The following FCGR1A variants were observed in gnomAD, a reference collection of about 807,000 sequenced individuals.
The protein encoded by FCGR1A is high affinity immunoglobulin gamma Fc receptor I.
FCGR1A carries 13 observed loss-of-function variants against 35.0 expected under a neutral mutation model. The ratio of observed to expected loss-of-function variants is 0.37; its 90% confidence interval spans 0.24 to 0.59. The LOEUF is 0.59. FCGR1A is among the 20% of genes least tolerant of loss of function. FCGR1A has a pLI of 0.71. For synonymous variants in FCGR1A, 91 were observed against 164.7 expected, an observed-to-expected ratio of 0.55 and a Z score of 3.43; for missense variants, 227 against 430.0, an observed-to-expected ratio of 0.53 and a Z score of 4.17.
rs142568276 is a variant in FCGR1A at position 149,789,532 on chromosome 1, G to T, written c.560-522G>T. Among the ~76,000 whole-genome samples the T allele has an allele frequency of 5.7e-3, 866 of 152,308 alleles. 10 individuals carry two copies. Among genetic ancestry groups the T allele is most frequent in the African/African-American group, 0.02 (817 of 41,552 alleles). ...CAGATGACACGGTCATTCAGGGAAG[G>T]ATGGACCTTGTAGAGCAGGGGTTCC... On this transcript the variant is annotated intron_variant, in intron 4 of 5. Coordinates refer to ENST00000369168, the MANE Select transcript of FCGR1A (RefSeq NM_000566.4).
chr1:149,791,048 C>T (rs1251350307), intron 5 of FCGR1A, among the ~76,000 whole-genome samples, 189 bp from the exon 6 acceptor site: 1 of 150,566 alleles, frequency 6.6e-6, no homozygotes, highest in Non-Finnish European at 1.5e-5. Flanking sequence ...TCCAAGGAGC[C>T]TGTCCCTGTC....
chr1:149,790,724 C>G (rs1159163953), intron 5 of FCGR1A, among the ~76,000 whole-genome samples: 1 of 149,214 alleles, frequency 6.7e-6, no homozygotes, highest in Non-Finnish European at 1.5e-5. Flanking sequence ...ATCTCACCAA[C>G]AATTTATCAA....
chr1:149,799,302 G>A, the FCGR1A span, among the ~76,000 whole-genome samples: 3 of 151,876 alleles, frequency 2.0e-5, no homozygotes, highest in Non-Finnish European at 2.9e-5. Context: ...TGAGTTGGAT[G>A]TAAATTTGAC....
downstream of FCGR1A, chr1:149,792,555 G>C (rs1391242068): frequency 5.9e-6 from 7 of 1,180,868 alleles, no homozygotes; most frequent in East Asian, 3.1e-4. Context: ...GGTTTGATCC[G>C]TAAATGATGG....
At chr1:149,800,433 T>C in the FCGR1A span, among the ~76,000 whole-genome samples, 1 of 148,254 alleles carries the variant, frequency 6.7e-6, no homozygotes, top group Admixed American at 6.8e-5. Context: ...CCCAACTCTC[T>C]AATCCTCCCC....
the FCGR1A span, among the ~76,000 whole-genome samples, chr1:149,796,962 G>A: frequency 1.3e-5 from 2 of 152,172 alleles, no homozygotes; most frequent in Admixed American, 1.3e-4. Flanking sequence ...ACCCAGGCTG[G>A]AGTGCAGTGG....
intron 4 of FCGR1A, among the ~76,000 whole-genome samples, chr1:149,789,296 G>A (rs1344615904): frequency 1.3e-5 from 2 of 152,114 alleles, no homozygotes; most frequent in African/African-American, 2.4e-5. Context: ...GGGAGGCTGA[G>A]GCAGGAGAAT....
Position 149,788,163 on chromosome 1 carries a change from C to T in FCGR1A, c.308-203C>T, listed in dbSNP as rs1212847352. 2.6e-5 allele frequency: 21 copies of T among 805,878 alleles called. No individual in the cohort carries two copies. In the Admixed American group the frequency reaches 5.8e-4, roughly 22 times the overall value. The allele number at this position is 805,878 out of a possible 1,614,324, so 49.9% of individuals were successfully genotyped here. A position where few individuals can be genotyped will look rare whatever the true frequency, so the allele number is the denominator to read the frequency against. On this transcript the variant is annotated intron_variant, in intron 3 of 5. Coordinates refer to ENST00000369168, the MANE Select transcript of FCGR1A (RefSeq NM_000566.4). ...TCTGGAAAGGGAAGATAAGAAAGGG[C>T]TGTGTACGCAGTTGCCAGTAAAGAT...
At chr1:149,789,127 T>C (rs1399307555) in intron 4 of FCGR1A, among the ~76,000 whole-genome samples, 2 of 151,506 alleles carry the variant, frequency 1.3e-5, no homozygotes, top group East Asian at 3.9e-4. Flanking sequence ...TTTCACGGCC[T>C]TTCCTCTTAA....
At chr1:149,796,791 G>A in the FCGR1A span, among the ~76,000 whole-genome samples, 1 of 152,080 alleles carries the variant, frequency 6.6e-6, no homozygotes, top group Non-Finnish European at 1.5e-5. Context: ...ATTTCATTTA[G>A]CCTTCATAAT....
intron 4 of FCGR1A, among the ~76,000 whole-genome samples, chr1:149,789,315 C>T (rs1353368769): frequency 6.6e-6 from 1 of 152,052 alleles, no homozygotes; most frequent in African/African-American, 2.4e-5. Flanking sequence ...ATAGCATGAA[C>T]CCGGGAAGCG....
rs1553751098 is a variant in FCGR1A, at chr1:149,788,404, G to C, written c.346G>C (p.Glu116Gln). ...GCAGGTCTCCAGCAGAGTCTTCACG[G>C]AAGGAGAACCTCTGGCCTTGAGGTG... ...LLQVSSRVFT[E>Q]GEPLALRCHA... Residue 116 changes from glutamate to glutamine, a missense_variant, in exon 4 of 6, where the codon GAA becomes CAA. Glu to Gln is a conservative substitution (Grantham distance 29, BLOSUM62 2). Around this residue, in one of 3 missense-constraint regions of FCGR1A, gnomAD observed 185 missense variants for 306.6 expected, o/e 0.60. Transcript: ENST00000369168. The C allele has an allele frequency of 1.9e-6, 3 of 1,613,452 alleles. No homozygotes were observed. The South Asian group carries it at 3.3e-5, about 18-fold the overall frequency.
chr1:149,796,764 T>C, the FCGR1A span, among the ~76,000 whole-genome samples: 2 of 152,366 alleles, frequency 1.3e-5, no homozygotes, highest in South Asian at 2.1e-4. Context: ...CAAATGCTTA[T>C]TTACCTTTCA....
chr1:149,790,661 C>T (rs6587581), intron 5 of FCGR1A, among the ~76,000 whole-genome samples: 1 of 149,996 alleles, frequency 6.7e-6, no homozygotes, highest in African/African-American at 2.4e-5. Context: ...CCATGACCCC[C>T]CCTTCTCTCT....
At chr1:149,796,769 C>T in the FCGR1A span, among the ~76,000 whole-genome samples, 25 of 152,226 alleles carry the variant, frequency 1.6e-4, no homozygotes, top group Admixed American at 5.9e-4. Context: ...GCTTATTTAC[C>T]TTTCATGGGT....
rs587622461 is a variant in FCGR1A, at chr1:149,790,097, A to G, written c.603A>G (p.Pro201=). The G allele has an allele frequency of 6.2e-7, 1 of 1,613,550 alleles. No homozygotes were observed. The highest frequency in any genetic ancestry group is 1.7e-5 in the Admixed American group (1 of 60,006). The change falls in exon 5 of 6, where the codon CCA becomes CCG. Residue 201 remains proline, a synonymous_variant. Coordinates refer to ENST00000369168, the MANE Select transcript of FCGR1A (RefSeq NM_000566.4). The part of the protein sequence containing the change: ...APVLNASVTS[P]LLEGNLVTLS... Reference sequence around the variant, plus strand: ...TGCTGAATGCATCTGTGACATCCCCACTCCTGGAGGGGAATCTGGTCACCC... The same window carrying G: ...TGCTGAATGCATCTGTGACATCCCCGCTCCTGGAGGGGAATCTGGTCACCC...
rs782679131 is a variant in FCGR1A, at chr1:149,788,655, C to A, written c.559+38C>A. On this transcript the variant is annotated intron_variant, in intron 4 of 5. Coordinates refer to ENST00000369168, the MANE Select transcript of FCGR1A (RefSeq NM_000566.4). Reference sequence around the variant, plus strand: ...AATAGTCATAGAACTGATAGTCCCTCCCCCTGAGGGACCATCATAAATATT... The same window carrying A: ...AATAGTCATAGAACTGATAGTCCCTACCCCTGAGGGACCATCATAAATATT... The A allele has an allele frequency of 1.1e-5, 17 of 1,612,496 alleles. No homozygotes were observed. In the East Asian group the frequency reaches 3.8e-4, roughly 36 times the overall value.
downstream of FCGR1A, chr1:149,792,708 G>C (rs1165412827): frequency 7.0e-6 from 9 of 1,283,238 alleles, no homozygotes; most frequent in East Asian, 3.4e-4. Flanking sequence ...AAAGCTGTTG[G>C]GCGCGCGCTT....
downstream of FCGR1A, chr1:149,793,247 G>T (rs587759799): frequency 8.0e-7 from 1 of 1,254,530 alleles, no homozygotes; most frequent in South Asian, 1.3e-5. Context: ...AGGCGGCGGC[G>T]GCAGGGAGGG....
Sources: allele counts gnomAD v4.1 joint callset (sites outside exome capture counted in the v4.1 genomes callset), GRCh38; gene constraint gnomAD v4.1.1; regional missense constraint gnomAD v4.1.1; transcripts MANE v1.5; gene names NCBI Gene and HGNC (gene_info 2026-07-23, HGNC 2026-07-21).